ZNF302: variants seen among roughly 807,000 people sequenced by gnomAD.
ZNF302 encodes the protein zinc finger protein 302, also known as zinc finger protein 327.
ZNF302 carries 12 observed loss-of-function variants against 10.8 expected under a neutral mutation model. The observed-to-expected ratio is 1.11, with a 90% CI of 0.71 to 1.79. ZNF302 has a LOEUF of 1.79. ZNF302 is among the 40% of genes most tolerant of loss of function. The pLI is 0.00. For synonymous variants in ZNF302, 178 were observed against 157.5 expected (o/e 1.13, Z -0.98); for missense variants, 461 against 471.1 (o/e 0.98, Z 0.20).
At chr19:34,683,805 T>G (rs911549798) in intron 4 of ZNF302, among the ~76,000 whole-genome samples, 3 of 152,156 alleles carry the variant, frequency 2.0e-5, no homozygotes, top group Non-Finnish European at 4.4e-5. Context: ...CAATTCTGTA[T>G]TTTAAGCTTG....
At position 34,685,298 on chromosome 19, in the gene ZNF302, A is replaced by C; in HGVS notation, c.*61A>C. On this transcript the variant is annotated 3_prime_UTR_variant, in exon 5 of 5. Coordinates refer to ENST00000505242, the MANE Select transcript of ZNF302 (RefSeq NM_001289187.2). Reference sequence around the variant, plus strand: ...GAATATGCATTTGAGAAATCACATTAGATTGAAACCCTACGAATGCAGTAT... The same window carrying C: ...GAATATGCATTTGAGAAATCACATTCGATTGAAACCCTACGAATGCAGTAT... 1.2e-6 allele frequency: 2 copies of C among 1,613,980 alleles called. No individual in the cohort carries two copies. Among genetic ancestry groups the C allele is most frequent in the Non-Finnish European group, 1.7e-6 (2 of 1,179,900 alleles).
At chr19:34,683,109 A>G in intron 3 of ZNF302, 46 bp from the exon 4 acceptor site, 1 of 1,610,422 alleles carries the variant, frequency 6.2e-7, no homozygotes, top group East Asian at 2.2e-5. Flanking sequence ...GCCTCTCATA[A>G]TAGAGGACCA....
rs907372714 is a variant in ZNF302, at chr19:34,678,935, T to C, written c.9+122T>C. Reference sequence around the variant, plus strand: ...TTTAAGGGACTAGATCTATGGTTCCTTTCACTATAGGAAGAATGGAGCCCA... The same window carrying C: ...TTTAAGGGACTAGATCTATGGTTCCCTTCACTATAGGAAGAATGGAGCCCA... On this transcript the variant is annotated intron_variant, in intron 2 of 4. Transcript: ENST00000505242. The C allele has an allele frequency of 2.5e-6, 3 of 1,181,236 alleles. No individual in the cohort carries two copies. The African/African-American group carries it at 4.5e-5, about 18-fold the overall frequency. 73.2% of individuals were successfully genotyped at this position (1,181,236 alleles called of 1,614,324 possible).
chr19:34,682,807 T>G lies in ZNF302; in HGVS notation c.40T>G (p.Ser14Ala). Residue 14 changes from serine (S) to alanine (A), a missense_variant, in exon 3 of 5, where the codon TCT becomes GCT. Physicochemically the swap from Ser to Ala is moderately conservative, Grantham distance 99. Transcript: ENST00000505242. ...ATTTAGTGATGTGGCTATAGACTTCTCTCATGAAGAGTGGGCATGCCTAGA... is the reference window on the plus strand; with the variant it reads ...ATTTAGTGATGTGGCTATAGACTTCGCTCATGAAGAGTGGGCATGCCTAGA... Reference protein sequence around the residue: ...VTFSDVAIDFSHEEWACLDSA... With the variant: ...VTFSDVAIDFAHEEWACLDSA... 1 of 1,613,744 alleles carries G rather than the reference T, an allele frequency of 6.2e-7. No homozygotes were observed. Among genetic ancestry groups the G allele is most frequent in the Non-Finnish European group, 8.5e-7 (1 of 1,179,696 alleles).
chr19:34,678,918 A>G, intron 2 of ZNF302, 105 bp downstream of exon 2: 2 of 1,370,804 alleles, frequency 1.5e-6, no homozygotes, highest in Non-Finnish European at 2.1e-6. Flanking sequence ...CATTTAAGGG[A>G]CTAGATCTAT....
intron 4 of ZNF302, chr19:34,684,030 G>A (rs1442155990): frequency 2.0e-6 from 3 of 1,507,552 alleles, no homozygotes; most frequent in Non-Finnish European, 2.7e-6. Flanking sequence ...TCCTGCTTCT[G>A]TGAACTTTGG....
At chr19:34,680,684 G>A (rs2068297558) in intron 2 of ZNF302, among the ~76,000 whole-genome samples, 1 of 152,156 alleles carries the variant, frequency 6.6e-6, no homozygotes, top group South Asian at 2.1e-4. Context: ...AGCATCCCTG[G>A]CTCTAAGTTG....
rs1345752278 is a variant in ZNF302, at chr19:34,684,853, T to C, written c.816T>C (p.Leu272=). 3.7e-6 allele frequency: 6 copies of C among 1,613,844 alleles called. No individual in the cohort carries two copies. Among genetic ancestry groups the C allele is most frequent in the Middle Eastern group, 1.7e-4 (1 of 6,060 alleles). The change falls in exon 5 of 5, where the codon CTT becomes CTC. Residue 272 remains leucine (L), a synonymous_variant. Transcript: ENST00000505242. ...AGGCCTTTAGCCATGGCTCATCACT[T>C]ACTAACCATCAGAGCACTCACACGG... ...CGKAFSHGSS[L]TNHQSTHTGE...
intron 4 of ZNF302, 146 bp from the exon 5 acceptor site, chr19:34,684,106 T>C: frequency 6.6e-7 from 1 of 1,523,718 alleles, no homozygotes; most frequent in South Asian, 1.2e-5. Context: ...GAACTATGTG[T>C]TTTCTGGGTG....
intron 2 of ZNF302, chr19:34,682,401 AT>A (rs1194252885): frequency 6.2e-6 from 1 of 161,300 alleles, no homozygotes; most frequent in East Asian, 1.9e-4. Flanking sequence ...CTTTAGCCTT[AT>A]TTTTAATTAC....
At chr19:34,679,037 A>C (rs2068184197) in intron 2 of ZNF302, among the ~76,000 whole-genome samples, 3 of 152,200 alleles carry the variant, frequency 2.0e-5, no homozygotes, top group African/African-American at 4.8e-5. Flanking sequence ...GACTTTCTAG[A>C]TTGCCAACAT....
intron 2 of ZNF302, chr19:34,682,135 T>A (rs1014230793): frequency 1.3e-5 from 2 of 152,230 alleles, no homozygotes; most frequent in Admixed American, 6.5e-5. Flanking sequence ...CTCATTTTTT[T>A]AAATAAGGAA....
At chr19:34,682,362 TTC>T (rs2068397006) in intron 2 of ZNF302, 1 of 156,758 alleles carries the variant, frequency 6.4e-6, no homozygotes, top group African/African-American at 2.4e-5. Context: ...TAGTGAATCT[TTC>T]TGAGTATCAT....
chr19:34,679,620 G>A (rs1320054850), intron 2 of ZNF302, among the ~76,000 whole-genome samples: 1 of 152,094 alleles, frequency 6.6e-6, no homozygotes, highest in African/African-American at 2.4e-5. Flanking sequence ...TGTTTGTTCC[G>A]TGGTTACTTT....
intron 1 of ZNF302, among the ~76,000 whole-genome samples, chr19:34,678,510 T>C (rs1201547326): frequency 6.6e-6 from 1 of 151,934 alleles, no homozygotes; most frequent in African/African-American, 2.4e-5. Context: ...GCTGATAAAG[T>C]TGTTACCGTT....
Position 34,685,563 on chromosome 19 carries a change from A to T in ZNF302, c.*326A>T, listed in dbSNP as rs771269627. 185 of 1,511,302 alleles carry T rather than the reference A, an allele frequency of 1.2e-4. No homozygotes were observed. Among genetic ancestry groups the T allele is most frequent in the Non-Finnish European group, 1.7e-4 (183 of 1,088,098 alleles). The allele number at this position is 1,511,302 out of a possible 1,614,324, so 93.6% of individuals were successfully genotyped here. A position where few individuals can be genotyped will look rare whatever the true frequency, so the allele number is the denominator to read the frequency against. Reference sequence around the variant, plus strand: ...AGAGTACATAATGGAGAGAAACCCAATAGTGTGGTAAGTGTGGAAAAGCCT... The same window carrying T: ...AGAGTACATAATGGAGAGAAACCCATTAGTGTGGTAAGTGTGGAAAAGCCT... On this transcript the variant is annotated 3_prime_UTR_variant, in exon 5 of 5. Coordinates refer to ENST00000505242, the MANE Select transcript of ZNF302 (RefSeq NM_001289187.2).
At chr19:34,683,638 G>A (rs970720834) in intron 4 of ZNF302, among the ~76,000 whole-genome samples, 8 of 152,162 alleles carry the variant, frequency 5.3e-5, no homozygotes, top group Non-Finnish European at 1.0e-4. Flanking sequence ...ATTAGAGGAA[G>A]TAAGGGACAT....
upstream of ZNF302, chr19:34,677,459 G>A (rs1410034245): frequency 6.6e-6 from 1 of 152,266 alleles, no homozygotes; most frequent in East Asian, 1.9e-4. Context: ...AGGACAATTT[G>A]CGCATGGTCC....
chr19:34,685,821 TTGTC>T lies in ZNF302; in HGVS notation c.*585_*588del, dbSNP rs2068631274. 1 of 394,760 alleles carries T rather than the reference TTGTC, an allele frequency of 2.5e-6. No individual in the cohort carries two copies. Among genetic ancestry groups the T allele is most frequent in the Non-Finnish European group, 4.6e-6 (1 of 218,714 alleles). 24.5% of individuals were successfully genotyped at this position (394,760 alleles called of 1,614,324 possible). On this transcript the variant is annotated 3_prime_UTR_variant, in exon 5 of 5. Coordinates refer to ENST00000505242, the MANE Select transcript of ZNF302 (RefSeq NM_001289187.2). The stretch of plus-strand genomic sequence containing the variant: ...GAAGTCAATAAATGTGGGAAAGCCT[TTGTC>T]AGTATTAATCCCTTAATTGACCTAA...
Sources: allele counts gnomAD v4.1 joint callset (sites outside exome capture counted in the v4.1 genomes callset), GRCh38; gene constraint gnomAD v4.1.1; transcripts MANE v1.5; gene names NCBI Gene and HGNC (gene_info 2026-07-23, HGNC 2026-07-21).